The following ELF3 variants were observed in gnomAD, a reference collection of about 807,000 sequenced individuals.
The protein encoded by ELF3 is ETS-related transcription factor Elf-3.
A neutral mutation model predicts 43.9 loss-of-function variants in ELF3; 18 were observed. The ratio of observed to expected loss-of-function variants is 0.41; its 90% CI spans 0.28 to 0.61. ELF3 has a LOEUF of 0.61. Ranked by LOEUF, ELF3 falls within the 20% of genes least tolerant of loss-of-function variation. The pLI, the probability that ELF3 is intolerant of heterozygous loss-of-function variation, is 0.30. For synonymous variants in ELF3, 181 were observed against 190.2 expected, an observed-to-expected ratio of 0.95 and a Z score of 0.40; for missense variants, 373 against 487.7, an observed-to-expected ratio of 0.76 and a Z score of 2.21.
rs984022539 is a variant in ELF3, at chr1:202,013,290, G to A, written c.797G>A (p.Ser266Asn). ...TGGGACTGTCTCGAGGGCAAGAAGA[G>A]CAAGCACGGTGAGCTCCGGGGGCAC... Reference protein sequence around the residue: ...EYWDCLEGKKSKHAPRGTHLW... With the variant: ...EYWDCLEGKKNKHAPRGTHLW... The change falls in exon 7 of 9, where the codon AGC (serine) becomes AAC (asparagine). Residue 266 changes from serine (S) to asparagine (N), a missense_variant. By Grantham distance (46) the Ser-to-Asn change is conservative (BLOSUM62 1). Coordinates refer to ENST00000367284, the MANE Select transcript of ELF3 (RefSeq NM_004433.5). This position sits in a 1 kb window ranked among gnomAD's most constrained non-coding sequence, Gnocchi z 5.7. 1.9e-6 allele frequency: 3 copies of A among 1,613,482 alleles called. No individual in the cohort carries two copies. The African/African-American group carries it at 4.0e-5, about 22-fold the overall frequency.
intron 8 of ELF3, among the ~76,000 whole-genome samples, chr1:202,014,428 C>T (rs146305481): frequency 8.0e-4 from 122 of 152,278 alleles, no homozygotes; most frequent in African/African-American, 2.7e-3. Context: ...AGATCCCGTC[C>T]AGCCCTAAAA....
At chr1:202,015,127 T>C in intron 8 of ELF3, 82 bp from the exon 9 acceptor site, 1 of 1,417,786 alleles carries the variant, frequency 7.1e-7, no homozygotes, top group Admixed American at 1.7e-5. Flanking sequence ...TACCTGGGGG[T>C]AACGCGGGCC....
Position 202,017,163 on chromosome 1 carries a change from A to G in ELF3, c.*1840A>G, listed in dbSNP as rs1019124445. 1 of 152,208 alleles carries G rather than the reference A, an allele frequency of 6.6e-6. No individual in the cohort carries two copies. The highest frequency in any genetic ancestry group is 2.4e-5 in the African/African-American group (1 of 41,450). The allele number at this position is 152,208 out of a possible 1,614,324, so 9.4% of individuals were successfully genotyped here. ...GATTGTTGGCTGAAGTGATGTGGAT[A>G]AAGAAGGGATCTTAGAAAAACTAAA... On this transcript the variant is annotated 3_prime_UTR_variant, in exon 9 of 9. Transcript: ENST00000367284.
rs1571660413 is a variant in ELF3, at chr1:202,012,242, T to A, written c.385+64T>A. Reference sequence around the variant, plus strand: ...ATGTTGAGCTGAGTCGAGTTCAGTGTGGCCGTAGGCAGGCCCTGGAGCTCT... The same window carrying A: ...ATGTTGAGCTGAGTCGAGTTCAGTGAGGCCGTAGGCAGGCCCTGGAGCTCT... On this transcript the variant is annotated intron_variant, in intron 3 of 8. Transcript: ENST00000367284. This position sits in a 1 kb window ranked among gnomAD's most constrained non-coding sequence, Gnocchi z 4.2. 1.2e-6 allele frequency: 2 copies of A among 1,606,628 alleles called. No homozygotes were observed. The highest frequency in any genetic ancestry group is 1.3e-5 in the African/African-American group (1 of 74,846).
chr1:202,012,892 C>A lies in ELF3; in HGVS notation c.599-55C>A. On this transcript the variant is annotated intron_variant, in intron 5 of 8. Transcript: ENST00000367284. The surrounding 1 kb of genome is among the most constrained non-coding windows in gnomAD (Gnocchi z 4.2). ...GGAAGTGTGTCCTGAGAGCCAGCAG[C>A]GTGGTTGAGCAGAGGGTGGGCCGGC... 2 of 1,571,854 alleles carry A rather than the reference C, an allele frequency of 1.3e-6. No homozygotes were observed. The highest frequency in any genetic ancestry group is 1.7e-6 in the Non-Finnish European group (2 of 1,160,690).
chr1:202,015,191 A>G lies in ELF3; in HGVS notation c.1002-18A>G. Reference sequence around the variant, plus strand: ...ATTTCCTGCCAAAGCACCTCTGACCATCCTTCTCTTCACCCAGGTACTACT... The same window carrying G: ...ATTTCCTGCCAAAGCACCTCTGACCGTCCTTCTCTTCACCCAGGTACTACT... On this transcript the variant is annotated intron_variant, in intron 8 of 8. Transcript: ENST00000367284. The G allele has an allele frequency of 1.2e-6, 2 of 1,613,706 alleles. No homozygotes were observed. The highest frequency in any genetic ancestry group is 2.2e-5 in the East Asian group (1 of 44,848).
chr1:202,011,976 G>A lies in ELF3; in HGVS notation c.183G>A (p.Gly61=). 1.9e-6 allele frequency: 3 copies of A among 1,614,062 alleles called. No individual in the cohort carries two copies. Among genetic ancestry groups the A allele is most frequent in the East Asian group, 2.2e-5 (1 of 44,888 alleles). ...LEGTEKASWL[G]EQPQFWSKTQ... is the part of the protein sequence containing the mutation. ...TTGCAGAGAAGGCCAGCTGGTTGGG[G>A]GAACAGCCCCAGTTCTGGTCGAAGA... Residue 61 remains glycine, a synonymous_variant, in exon 3 of 9, where the codon GGG becomes GGA. Transcript: ENST00000367284.
In ELF3 at chr1:202,015,460, G is replaced by A. The variant is rs542855680; in HGVS notation, c.*137G>A. ...GCTGTGGAGAGAAGCTGATGTTTTGGTGTATTGTCAGCCATCGTCCTGGGA... is the reference window on the plus strand; with the variant it reads ...GCTGTGGAGAGAAGCTGATGTTTTGATGTATTGTCAGCCATCGTCCTGGGA... On this transcript the variant is annotated 3_prime_UTR_variant, in exon 9 of 9. Transcript: ENST00000367284. The A allele has an allele frequency of 2.4e-6, 2 of 836,748 alleles. No individual in the cohort carries two copies. The highest frequency in any genetic ancestry group is 2.4e-5 in the Admixed American group (1 of 42,148). 51.8% of individuals were successfully genotyped at this position (836,748 alleles called of 1,614,324 possible). A position where few individuals can be genotyped will look rare whatever the true frequency, so the allele number is the denominator to read the frequency against.
chr1:202,012,333 T>A lies in ELF3; in HGVS notation c.386-11T>A. 1.2e-6 allele frequency: 2 copies of A among 1,613,930 alleles called. No individual in the cohort carries two copies. The highest frequency in any genetic ancestry group is 1.7e-6 in the Non-Finnish European group (2 of 1,179,926). On this transcript the variant is annotated splice_polypyrimidine_tract_variant and intron_variant, in intron 3 of 8. Coordinates refer to ENST00000367284, the MANE Select transcript of ELF3 (RefSeq NM_004433.5). The surrounding 1 kb of genome is among the most constrained non-coding windows in gnomAD (Gnocchi z 4.2). Reference sequence around the variant, plus strand: ...TTAGGGGAGTGTGACCCTTCCTTCCTTCCTTGTCAGCTTCCAGCTCTTCTG... The same window carrying A: ...TTAGGGGAGTGTGACCCTTCCTTCCATCCTTGTCAGCTTCCAGCTCTTCTG...
rs372169040 is a variant in ELF3, at chr1:202,016,801, ATCCTC to A, written c.*1483_*1487del. Reference sequence around the variant, plus strand: ...GTGCTAGCCCACTCTGGCTCATTTAATCCTCTCCTAAGAAGAGAGGAGACACAGCG... The same window carrying A: ...GTGCTAGCCCACTCTGGCTCATTTAATCCTAAGAAGAGAGGAGACACAGCG... On this transcript the variant is annotated 3_prime_UTR_variant, in exon 9 of 9. Coordinates refer to ENST00000367284, the MANE Select transcript of ELF3 (RefSeq NM_004433.5). The A allele has an allele frequency of 2.6e-5, 4 of 152,164 alleles. No individual in the cohort carries two copies. The highest frequency in any genetic ancestry group is 7.2e-5 in the African/African-American group (3 of 41,500). 9.4% of individuals were successfully genotyped at this position (152,164 alleles called of 1,614,324 possible).
rs561635374 is a variant in ELF3, at chr1:202,015,675, G to A, written c.*352G>A. 2.6e-5 allele frequency: 7 copies of A among 272,360 alleles called. No homozygotes were observed. Among genetic ancestry groups the A allele is most frequent in the East Asian group, 2.3e-4 (3 of 13,200 alleles). 16.9% of individuals were successfully genotyped at this position (272,360 alleles called of 1,614,324 possible). On this transcript the variant is annotated 3_prime_UTR_variant, in exon 9 of 9. Transcript: ENST00000367284. ...GACTGAGCCAAGGAGGCCTGGGGAG[G>A]CCCTAGGGGAGCACCGTGATGGAGA... is the stretch of plus-strand genomic sequence containing the variant.
Position 202,013,881 on chromosome 1 carries a change from G to A in ELF3, c.858G>A (p.Pro286=), listed in dbSNP as rs766222166. 23 of 1,613,910 alleles carry A rather than the reference G, an allele frequency of 1.4e-5. No homozygotes were observed. Among genetic ancestry groups the A allele is most frequent in the African/African-American group, 5.3e-5 (4 of 74,910 alleles). Residue 286 remains proline (P), a synonymous_variant, in exon 8 of 9, where the codon CCG becomes CCA. Coordinates refer to ENST00000367284, the MANE Select transcript of ELF3 (RefSeq NM_004433.5). This position sits in a 1 kb window ranked among gnomAD's most constrained non-coding sequence, Gnocchi z 5.7. ...TCATCCGGGACATCCTCATCCACCC[G>A]GAGCTCAACGAGGGCCTCATGAAGT... is the stretch of plus-strand genomic sequence containing the variant. ...WEFIRDILIH[P]ELNEGLMKWE...
At position 202,017,097 on chromosome 1, in the gene ELF3, G is replaced by A. The variant is rs746056911; in HGVS notation, c.*1774G>A. 1.3e-5 allele frequency: 2 copies of A among 152,162 alleles called. No individual in the cohort carries two copies. The highest frequency in any genetic ancestry group is 2.9e-5 in the Non-Finnish European group (2 of 68,042). 9.4% of individuals were successfully genotyped at this position (152,162 alleles called of 1,614,324 possible). On this transcript the variant is annotated 3_prime_UTR_variant, in exon 9 of 9. Coordinates refer to ENST00000367284, the MANE Select transcript of ELF3 (RefSeq NM_004433.5). ...TACAGCACATTAAAATCCCATTCAT[G>A]AGTTTGAAATACTGCTCTGTTGTCT... is the stretch of plus-strand genomic sequence containing the variant.
In ELF3 at chr1:202,012,997, G is replaced by C; in HGVS notation, c.649G>C (p.Val217Leu). 6.2e-7 allele frequency: 1 copy of C among 1,613,890 alleles called. No homozygotes were observed. The highest frequency in any genetic ancestry group is 8.5e-7 in the Non-Finnish European group (1 of 1,179,886). Residue 217 changes from valine (V) to leucine (L), a missense_variant, in exon 6 of 9, where the codon GTG becomes CTG. This residue lies in a region of ELF3 where 311 missense variants were observed against 351.2 expected (regional missense o/e 0.89). Coordinates refer to ENST00000367284, the MANE Select transcript of ELF3 (RefSeq NM_004433.5). The surrounding 1 kb of genome is among the most constrained non-coding windows in gnomAD (Gnocchi z 4.2). ...CTCCTCAGACTCCGGTGGAAGTGAC[G>C]TGGACCTGGATCCCACTGATGGCAA... ...SHSSDSGGSD[V>L]DLDPTDGKLF...
At position 202,015,193 on chromosome 1, in the gene ELF3, CCTT is replaced by C; in HGVS notation, c.1002-13_1002-11del. 1.2e-6 allele frequency: 2 copies of C among 1,613,658 alleles called. No individual in the cohort carries two copies. The highest frequency in any genetic ancestry group is 2.7e-5 in the African/African-American group (2 of 75,012). ...TTCCTGCCAAAGCACCTCTGACCAT[CCTT>C]CTCTTCACCCAGGTACTACTACAAA... On this transcript the variant is annotated splice_polypyrimidine_tract_variant and intron_variant, in intron 8 of 8. Coordinates refer to ENST00000367284, the MANE Select transcript of ELF3 (RefSeq NM_004433.5).
rs927478816 is a variant in ELF3, at chr1:202,013,537, A to AGTCCTGTCCACTGACTCCAGT, written c.805+261_806-250dup. Among the ~76,000 whole-genome samples the AGTCCTGTCCACTGACTCCAGT allele has an allele frequency of 1.3e-5, 2 of 152,140 alleles. No homozygotes were observed. Among genetic ancestry groups the AGTCCTGTCCACTGACTCCAGT allele is most frequent in the African/African-American group, 4.8e-5 (2 of 41,420 alleles). On this transcript the variant is annotated intron_variant, in intron 7 of 8. Transcript: ENST00000367284. This position sits in a 1 kb window ranked among gnomAD's most constrained non-coding sequence, Gnocchi z 5.7. ...CCCAGTGGGAGGCTCATGGTACCAG[A>AGTCCTGTCCACTGACTCCAGT]GTCCTGTCCACTGACTCCAGTGTCC...
At position 202,012,416 on chromosome 1, in the gene ELF3, C is replaced by T. The variant is rs1284407980; in HGVS notation, c.458C>T (p.Ala153Val). 2 of 1,613,968 alleles carry T rather than the reference C, an allele frequency of 1.2e-6. No homozygotes were observed. Among genetic ancestry groups the T allele is most frequent in the Admixed American group, 1.7e-5 (1 of 59,994 alleles). Residue 153 changes from alanine to valine, a missense_variant, in exon 4 of 9, where the codon GCC becomes GTC. Around this residue, in one of 3 missense-constraint regions of ELF3, gnomAD observed 311 missense variants for 351.2 expected, o/e 0.89. Coordinates refer to ENST00000367284, the MANE Select transcript of ELF3 (RefSeq NM_004433.5). This position sits in a 1 kb window ranked among gnomAD's most constrained non-coding sequence, Gnocchi z 4.2. Reference sequence around the variant, plus strand: ...AAGGATGGCATGGCCTTCCAGGAGGCCCTAGACCCAGGGCCCTTTGGTGAG... The same window carrying T: ...AAGGATGGCATGGCCTTCCAGGAGGTCCTAGACCCAGGGCCCTTTGGTGAG... ...LEKDGMAFQE[A>V]LDPGPFDQGS...
chr1:202,015,550 T>G lies in ELF3; in HGVS notation c.*227T>G. 3.6e-6 allele frequency: 2 copies of G among 548,102 alleles called. No homozygotes were observed. The highest frequency in any genetic ancestry group is 4.2e-5 in the South Asian group (2 of 48,082). 34.0% of individuals were successfully genotyped at this position (548,102 alleles called of 1,614,324 possible). On this transcript the variant is annotated 3_prime_UTR_variant, in exon 9 of 9. Transcript: ENST00000367284. ...AATTACAAGCCCTGGGGTTTGAAGC[T>G]GACTTTATAGCTGCAAGTGTATCTC...
chr1:202,014,166 T>A, intron 8 of ELF3, 142 bp downstream of exon 8: 1 of 1,006,268 alleles, frequency 9.9e-7, no homozygotes, highest in Non-Finnish European at 1.4e-6. Flanking sequence ...TGGGTTGGTC[T>A]ACTTCATGGA....
Sources: allele counts gnomAD v4.1 joint callset (sites outside exome capture counted in the v4.1 genomes callset), GRCh38; gene constraint gnomAD v4.1.1; regional missense constraint gnomAD v4.1.1; non-coding constraint Gnocchi (gnomAD v3.1); transcripts MANE v1.5; gene names NCBI Gene and HGNC (gene_info 2026-07-23, HGNC 2026-07-21).